Variants in DMD observed in about 807,000 individuals in gnomAD.
The protein encoded by DMD is mutant dystrophin.
In DMD, 63 loss-of-function variants were observed where a neutral mutation model predicts 330.1. That is an observed-to-expected ratio of 0.19 (90% CI 0.16 to 0.24). The LOEUF (loss-of-function observed/expected upper bound fraction) is 0.24, where lower values mean the gene tolerates loss of function less well. Ranked by LOEUF, DMD falls within the 10% of genes least tolerant of loss-of-function variation. The probability of loss-of-function intolerance (pLI) is 1.00; values close to 1 mark genes in which losing one functional copy is unlikely to be tolerated. For synonymous variants in DMD, 1,223 were observed against 959.8 expected (o/e 1.27, Z -5.07); for missense variants, 3,344 against 2,684.1 (o/e 1.25, Z -5.43).
chrX:31,766,873 TTGTGTGTG>T (rs756777827), intron 51 of DMD, among the ~76,000 whole-genome samples: 10 of 101,050 alleles, frequency 9.9e-5, no homozygotes, highest in South Asian at 4.5e-4. Flanking sequence ...AAATATGATT[TTGTGTGTG>T]TGTGTGTGTG....
intron 43 of DMD, among the ~76,000 whole-genome samples, chrX:32,262,944 C>T (rs960892364): frequency 2.7e-5 from 3 of 111,608 alleles, no homozygotes; most frequent in Non-Finnish European, 5.6e-5. Context: ...TCATTCAACT[C>T]CTCTCTCTCC....
chrX:31,489,335 G>T (rs1358087700), intron 57 of DMD, among the ~76,000 whole-genome samples: 1 of 111,614 alleles, frequency 9.0e-6, no homozygotes, highest in East Asian at 2.8e-4. Flanking sequence ...GTTTCACTAT[G>T]TTGGCCAGGC....
At chrX:32,568,709 TTC>T (rs1213171826) in intron 15 of DMD, among the ~76,000 whole-genome samples, 2 of 111,045 alleles carry the variant, frequency 1.8e-5, no homozygotes, top group Admixed American at 1.9e-4. Context: ...TGGTCTCAGT[TTC>T]TCTCTCTTTT....
chrX:31,642,523 T>A (rs748664682), intron 54 of DMD, among the ~76,000 whole-genome samples: 2 of 112,411 alleles, frequency 1.8e-5, no homozygotes, highest in African/African-American at 6.4e-5. Flanking sequence ...TTTCAAAGTA[T>A]ATGCTAATTG....
At chrX:31,697,171 G>T (rs2083495287) in intron 52 of DMD, among the ~76,000 whole-genome samples, 1 of 111,331 alleles carries the variant, frequency 9.0e-6, no homozygotes, top group Non-Finnish European at 1.9e-5. Context: ...CCACACTTGC[G>T]ACACTTCACC....
chrX:32,701,276 A>T (rs2064107472), intron 7 of DMD, among the ~76,000 whole-genome samples: 1 of 112,226 alleles, frequency 8.9e-6, no homozygotes, highest in Admixed American at 9.5e-5. Context: ...TATTCAAATG[A>T]TATTAGACAT....
intron 7 of DMD, among the ~76,000 whole-genome samples, chrX:32,731,747 A>C (rs1278050874): frequency 5.3e-5 from 6 of 112,254 alleles, no homozygotes; most frequent in African/African-American, 9.7e-5. Context: ...ACATCCACAC[A>C]AAAAACCCAT....
At chrX:32,106,175 G>C (rs747744510) in intron 44 of DMD, among the ~76,000 whole-genome samples, 1 of 111,646 alleles carries the variant, frequency 9.0e-6, no homozygotes, top group Non-Finnish European at 1.9e-5. Context: ...TAATAAAGGA[G>C]AGTATAAAAT....
chrX:32,311,709 T>C (rs1240096106), intron 41 of DMD, among the ~76,000 whole-genome samples: 1 of 112,000 alleles, frequency 8.9e-6, no homozygotes, highest in East Asian at 2.8e-4. Context: ...GTTTGATAAA[T>C]AAAATTCAGA....
At chrX:32,908,143 T>C (rs1356512711) in intron 2 of DMD, among the ~76,000 whole-genome samples, 1 of 112,276 alleles carries the variant, frequency 8.9e-6, no homozygotes, top group Non-Finnish European at 1.9e-5. Context: ...TGATGTAGGC[T>C]CTAATCAATA....
intron 29 of DMD, among the ~76,000 whole-genome samples, chrX:32,413,183 C>T (rs745690425): frequency 9.0e-6 from 1 of 110,870 alleles, no homozygotes; most frequent in East Asian, 2.9e-4. Context: ...AAGTCCAGAT[C>T]TCCCCTTGAT....
At chrX:32,015,979 C>T (rs773774290) in intron 44 of DMD, among the ~76,000 whole-genome samples, 12 of 111,894 alleles carry the variant, frequency 1.1e-4, no homozygotes, top group Non-Finnish European at 1.3e-4. Context: ...TAGGCAGCAA[C>T]ACCCAACCCT....
rs191084055 is a variant in DMD, at chrX:31,690,762, T to C, written c.7661-11176A>G. 3.6e-5 allele frequency among the ~76,000 whole-genome samples: 4 copies of C among 111,790 alleles called. No homozygotes were observed. In the East Asian group the frequency reaches 1.1e-3, roughly 31 times the overall value. On this transcript the variant is annotated intron_variant, in intron 52 of 78. Transcript: ENST00000357033. ...GACTGGATTAAGAAAATGTGGCACA[T>C]ATACACCATGGAATACTATGCAACC...
intron 7 of DMD, among the ~76,000 whole-genome samples, chrX:32,743,299 C>G (rs750772607): frequency 1.8e-5 from 2 of 111,355 alleles, no homozygotes; most frequent in Admixed American, 9.6e-5. Context: ...AGTTGTCCAC[C>G]ACAGTTTAAA....
intron 7 of DMD, among the ~76,000 whole-genome samples, chrX:32,723,179 A>G (rs942141673): frequency 1.8e-5 from 2 of 111,750 alleles, no homozygotes; most frequent in Admixed American, 9.6e-5. Flanking sequence ...TTCTGCATGT[A>G]TTGAGATAAT....
intron 61 of DMD, among the ~76,000 whole-genome samples, chrX:31,324,992 A>G (rs2056676303): frequency 8.9e-6 from 1 of 112,201 alleles, no homozygotes; most frequent in Non-Finnish European, 1.9e-5. Flanking sequence ...CCTTGGAGAT[A>G]TGTCATTTAA....
At chrX:32,788,683 A>T (rs1245073148) in intron 7 of DMD, among the ~76,000 whole-genome samples, 1 of 111,491 alleles carries the variant, frequency 9.0e-6, no homozygotes, top group Admixed American at 9.5e-5. Context: ...CTAACCCTGG[A>T]TAAATGGTAA....
intron 7 of DMD, among the ~76,000 whole-genome samples, chrX:32,762,978 T>C: frequency 8.9e-6 from 1 of 111,981 alleles, no homozygotes; most frequent in South Asian, 3.7e-4. Context: ...GCAGCTTTTA[T>C]TTTTCAATTA....
intron 53 of DMD, among the ~76,000 whole-genome samples, chrX:31,663,423 T>C (rs931657600): frequency 2.7e-5 from 3 of 111,704 alleles, no homozygotes; most frequent in Non-Finnish European, 5.6e-5. Context: ...GCCAGTCCTC[T>C]GTATTGAATT....
Sources: gnomAD v4.1 joint callset for allele counts (sites outside exome capture counted in the v4.1 genomes callset) on GRCh38, gnomAD v4.1.1 for gene constraint, MANE v1.5 for transcripts, NCBI Gene and HGNC (gene_info 2026-07-23, HGNC 2026-07-21) for gene names.